Variants in HNRNPF observed in about 807,000 individuals in gnomAD.
HNRNPF encodes the protein HnRNP F protein.
A neutral mutation model predicts 26.0 loss-of-function variants in HNRNPF; 2 were observed. That is an observed-to-expected ratio of 0.08 (90% CI 0.03 to 0.24). The LOEUF is 0.24. Among genes scored for constraint, HNRNPF ranks in the 10% least tolerant of loss-of-function variants. HNRNPF has a pLI of 1.00. For missense variants in HNRNPF, 299 were observed against 539.2 expected (o/e 0.55, Z 4.41); for synonymous variants, 234 against 211.5 (o/e 1.11, Z -0.92).
intron 3 of HNRNPF, among the ~76,000 whole-genome samples, chr10:43,392,744 A>G (rs1353159574): frequency 6.6e-6 from 1 of 152,130 alleles, no homozygotes; most frequent in Non-Finnish European, 1.5e-5. Flanking sequence ...GTAGGGAATC[A>G]GGCTTGGGCC....
intron 1 of HNRNPF, among the ~76,000 whole-genome samples, chr10:43,405,544 A>C (rs1454976926): frequency 1.3e-5 from 2 of 152,004 alleles, no homozygotes; most frequent in Admixed American, 6.6e-5. Flanking sequence ...TAGTCCCAGC[A>C]ACTCGGGAGG....
chr10:43,399,486 G>A (rs988817933), intron 1 of HNRNPF, among the ~76,000 whole-genome samples: 1 of 152,222 alleles, frequency 6.6e-6, no homozygotes, highest in African/African-American at 2.4e-5. Context: ...TGCAACTGCA[G>A]CTAGGTCTGA....
At chr10:43,404,311 A>G (rs1416492175) in intron 1 of HNRNPF, among the ~76,000 whole-genome samples, 1 of 151,840 alleles carries the variant, frequency 6.6e-6, no homozygotes, top group African/African-American at 2.4e-5. Context: ...TAAAAAAAAA[A>G]AAAAAGGAAA....
Position 43,407,200 on chromosome 10 carries a change from A to C in HNRNPF, c.-247+1931T>G, listed in dbSNP as rs1838947929. On this transcript the variant is annotated intron_variant, in intron 1 of 3. Coordinates refer to ENST00000682386, the MANE Select transcript of HNRNPF (RefSeq NM_001098204.2). ...GAGGCTGTGGCCCTGACCCCGGCGC[A>C]GGGCCCGCCCCGCGCGGTTCCGGGA... Among the ~76,000 whole-genome samples, 3 of 151,330 alleles carry C rather than the reference A, an allele frequency of 2.0e-5. No individual in the cohort carries two copies. The South Asian group carries it at 6.2e-4, about 31-fold the overall frequency.
intron 3 of HNRNPF, among the ~76,000 whole-genome samples, chr10:43,394,085 G>A (rs1738340541): frequency 6.6e-6 from 1 of 152,158 alleles, no homozygotes; most frequent in African/African-American, 2.4e-5. Flanking sequence ...GGAGAAACTT[G>A]TGCCTGTTTT....
rs1474215918 is a variant in HNRNPF, at chr10:43,387,552, G to A, written c.333C>T (p.Gly111=). Residue 111 remains glycine (G), a synonymous_variant, in exon 4 of 4, where the codon GGC becomes GGT. Transcript: ENST00000682386. The surrounding 1 kb of genome is among the most constrained non-coding windows in gnomAD (Gnocchi z 6.0). ...ATGGGAGTCCTCGAAGCCGCACGAA[G>A]CCATCGTTGGCGCTGTCGGCACTGT... The part of the protein sequence containing the change: ...GPNSADSAND[G]FVRLRGLPFG... 1.9e-6 allele frequency: 3 copies of A among 1,614,066 alleles called. No individual in the cohort carries two copies. The highest frequency in any genetic ancestry group is 2.5e-6 in the Non-Finnish European group (3 of 1,180,036).
chr10:43,391,552 G>A (rs1191756443), intron 3 of HNRNPF, among the ~76,000 whole-genome samples: 1 of 151,920 alleles, frequency 6.6e-6, no homozygotes, highest in Non-Finnish European at 1.5e-5. Context: ...TCCTACCCCA[G>A]CACCCTGCTT....
chr10:43,405,580 C>T (rs149845992), intron 1 of HNRNPF, among the ~76,000 whole-genome samples: 277 of 151,898 alleles, frequency 1.8e-3, no homozygotes, highest in South Asian at 3.3e-3. Flanking sequence ...GGCATTAACC[C>T]GGGAGATGGA....
At chr10:43,389,812 TGA>T (rs1588988296) in intron 3 of HNRNPF, among the ~76,000 whole-genome samples, 1 of 152,356 alleles carries the variant, frequency 6.6e-6, no homozygotes, top group East Asian at 1.9e-4. Context: ...CCCTTGCTAA[TGA>T]GAGTGGAACA....
intron 1 of HNRNPF, among the ~76,000 whole-genome samples, chr10:43,399,226 G>T (rs1219717363): frequency 1.3e-5 from 2 of 152,064 alleles, no homozygotes; most frequent in African/African-American, 4.8e-5. Flanking sequence ...GGGACCACAG[G>T]TGCATGCCAC....
At chr10:43,407,525 G>A (rs1353934265) in intron 1 of HNRNPF, among the ~76,000 whole-genome samples, 2 of 152,076 alleles carry the variant, frequency 1.3e-5, no homozygotes, top group African/African-American at 2.4e-5. Context: ...CAAAACCCTG[G>A]TCCACGACTC....
intron 1 of HNRNPF, among the ~76,000 whole-genome samples, chr10:43,406,965 A>G (rs1267512457): frequency 6.6e-6 from 1 of 152,220 alleles, no homozygotes; most frequent in Non-Finnish European, 1.5e-5. Context: ...GCAACGAGTC[A>G]CTTTGCAGGA....
intron 1 of HNRNPF, among the ~76,000 whole-genome samples, chr10:43,404,771 A>G (rs1031572441): frequency 7.9e-5 from 12 of 151,950 alleles, no homozygotes; most frequent in African/African-American, 2.9e-4. Context: ...GCAGTGAGAC[A>G]AGATCACACC....
intron 1 of HNRNPF, among the ~76,000 whole-genome samples, chr10:43,398,411 G>A (rs931662296): frequency 6.8e-6 from 1 of 147,320 alleles, no homozygotes; most frequent in Admixed American, 6.9e-5. Context: ...GCACGATCTC[G>A]GCTCACTGCA....
chr10:43,396,443 G>A lies in HNRNPF; in HGVS notation c.-112+13C>T, dbSNP rs889009681. The A allele has an allele frequency of 6.6e-6, 1 of 152,254 alleles. No individual in the cohort carries two copies. The highest frequency in any genetic ancestry group is 6.5e-5 in the Admixed American group (1 of 15,288). 9.4% of individuals were successfully genotyped at this position (152,254 alleles called of 1,614,324 possible). On this transcript the variant is annotated intron_variant, in intron 2 of 3. Coordinates refer to ENST00000682386, the MANE Select transcript of HNRNPF (RefSeq NM_001098204.2). ...CCCGGCCGGGCCCGCGGACTTTCAT[G>A]CTCTAGACTTACCACGGAGGCGAGC... is the stretch of plus-strand genomic sequence containing the variant.
chr10:43,386,715 A>G lies in HNRNPF; in HGVS notation c.1170T>C (p.Ser390=). The G allele has an allele frequency of 6.2e-7, 1 of 1,613,824 alleles. No homozygotes were observed. The highest frequency in any genetic ancestry group is 2.2e-5 in the East Asian group (1 of 44,878). The change falls in exon 4 of 4, where the codon AGT becomes AGC. Residue 390 remains serine, a synonymous_variant. Coordinates refer to ENST00000682386, the MANE Select transcript of HNRNPF (RefSeq NM_001098204.2). ...MGVSAAQATY[S]GLESQSVSGC... Reference sequence around the variant, plus strand: ...CACTCACTGACTGGCTCTCCAGGCCACTGTAAGTGGCCTGGGCAGCAGACA... The same window carrying G: ...CACTCACTGACTGGCTCTCCAGGCCGCTGTAAGTGGCCTGGGCAGCAGACA...
chr10:43,396,728 G>C (rs894475385), intron 1 of HNRNPF, 138 bp from the exon 2 acceptor site: 6 of 152,030 alleles, frequency 3.9e-5, no homozygotes, highest in Non-Finnish European at 7.4e-5. Context: ...GCCTGCTCAC[G>C]GCACTCCAGC....
At chr10:43,394,957 A>G (rs1395765043) in intron 2 of HNRNPF, among the ~76,000 whole-genome samples, 2 of 152,182 alleles carry the variant, frequency 1.3e-5, no homozygotes, top group Non-Finnish European at 2.9e-5. Flanking sequence ...AGTACCTGGT[A>G]TTACAGGCGT....
intron 2 of HNRNPF, among the ~76,000 whole-genome samples, 179 bp downstream of exon 2, chr10:43,396,277 G>A (rs1317838212): frequency 2.6e-5 from 4 of 152,322 alleles, no homozygotes; most frequent in South Asian, 2.1e-4. Flanking sequence ...GACAGGACTC[G>A]AGGAAGGATC....
Sources: gnomAD v4.1 joint callset for allele counts (sites outside exome capture counted in the v4.1 genomes callset) on GRCh38, gnomAD v4.1.1 for gene constraint, Gnocchi (gnomAD v3.1) non-coding constraint, MANE v1.5 for transcripts, NCBI Gene and HGNC (gene_info 2026-07-23, HGNC 2026-07-21) for gene names.